The following PCBP3 variants were observed in gnomAD, a reference collection of about 807,000 sequenced individuals.
PCBP3 encodes poly(rC)-binding protein 3.
A neutral mutation model predicts 52.7 loss-of-function variants in PCBP3; 25 were observed. The observed-to-expected ratio is 0.47, with a 90% CI of 0.35 to 0.66. The LOEUF is 0.66. Ranked by LOEUF, PCBP3 falls within the 30% of genes least tolerant of loss-of-function variation. PCBP3 has a pLI of 0.01. For missense variants in PCBP3, 391 were observed against 490.3 expected, an observed-to-expected ratio of 0.80 and a Z score of 1.91; for synonymous variants, 162 against 183.0, an observed-to-expected ratio of 0.89 and a Z score of 0.93.
intron 5 of PCBP3, among the ~76,000 whole-genome samples, chr21:45,856,693 T>C (rs2094311486): frequency 6.7e-6 from 1 of 150,128 alleles, no homozygotes; most frequent in Non-Finnish European, 1.5e-5. Flanking sequence ...CTCTGTAAAA[T>C]ATTTGAAGAG....
At chr21:45,930,752 A>G in intron 14 of PCBP3, 34 bp from the exon 15 acceptor site, 1 of 1,008,474 alleles carries the variant, frequency 9.9e-7, no homozygotes, top group Non-Finnish European at 1.6e-6. Context: ...CCTTGAGGGC[A>G]AAACATTAAA....
At position 45,800,484 on chromosome 21, in the gene PCBP3, C is replaced by T. The variant is rs555570246; in HGVS notation, c.-126+45032C>T. Among the ~76,000 whole-genome samples, 3 of 152,202 alleles carry T rather than the reference C, an allele frequency of 2.0e-5. No individual in the cohort carries two copies. The highest frequency in any genetic ancestry group is 4.4e-5 in the Non-Finnish European group (3 of 68,022). Reference sequence around the variant, plus strand: ...TGGCTCCAAACAGGCGTGTTGTGGGCGTGTCCTGAGGTGTGTGCCTGACCT... The same window carrying T: ...TGGCTCCAAACAGGCGTGTTGTGGGTGTGTCCTGAGGTGTGTGCCTGACCT... On this transcript the variant is annotated intron_variant, in intron 4 of 17. Coordinates refer to ENST00000681687, the MANE Select transcript of PCBP3 (RefSeq NM_001384156.1). This position sits in a 1 kb window ranked among gnomAD's most constrained non-coding sequence, Gnocchi z 5.3.
chr21:45,710,647 A>G (rs900387612), intron 2 of PCBP3, among the ~76,000 whole-genome samples: 2 of 152,022 alleles, frequency 1.3e-5, no homozygotes, highest in African/African-American at 2.4e-5. Context: ...AACCCAAATA[A>G]CTCTTCTTTT....
chr21:45,831,294 G>A (rs11700891), intron 4 of PCBP3: 84,260 of 151,676 alleles, frequency 0.56, 24,102 homozygotes, highest in East Asian at 0.93. Flanking sequence ...CTGTAATCCA[G>A]ACTACCTAGC....
intron 4 of PCBP3, among the ~76,000 whole-genome samples, chr21:45,772,718 C>T (rs1450495809): frequency 6.6e-6 from 1 of 152,174 alleles, no homozygotes; most frequent in Non-Finnish European, 1.5e-5. Context: ...TGCATCCTCA[C>T]CAACACCTGT....
At position 45,824,427 on chromosome 21, in the gene PCBP3, G is replaced by A. The variant is rs149610632; in HGVS notation, c.-125-25534G>A. Among the ~76,000 whole-genome samples, 34 of 152,362 alleles carry A rather than the reference G, an allele frequency of 2.2e-4. No homozygotes were observed. In the East Asian group the frequency reaches 6.4e-3, roughly 28 times the overall value. ...GGTTGGCTTTAGAAGCCACATCCCA[G>A]AATTCCTAAACTTAATCATGGAAGG... On this transcript the variant is annotated intron_variant, in intron 4 of 17. Coordinates refer to ENST00000681687, the MANE Select transcript of PCBP3 (RefSeq NM_001384156.1).
rs979116936 is a variant in PCBP3, at chr21:45,857,575, C to T, written c.10+7480C>T. ...CTAATACACCACCTATAACCCCCCACCTTTGAGCTGTCCTGCCTTTCTGGA... is the reference window on the plus strand; with the variant it reads ...CTAATACACCACCTATAACCCCCCATCTTTGAGCTGTCCTGCCTTTCTGGA... On this transcript the variant is annotated intron_variant, in intron 5 of 17. Transcript: ENST00000681687. Among the ~76,000 whole-genome samples the T allele has an allele frequency of 5.9e-5, 9 of 152,286 alleles. No individual in the cohort carries two copies. In the East Asian group the frequency reaches 9.7e-4, roughly 16 times the overall value.
chr21:45,815,394 A>G (rs2092881395), intron 4 of PCBP3, among the ~76,000 whole-genome samples: 2 of 82,848 alleles, frequency 2.4e-5, no homozygotes, highest in Admixed American at 2.2e-4. Flanking sequence ...GTGAGTGGTG[A>G]GTGGTGAGTG....
At chr21:45,694,875 C>A (rs778398094) in intron 2 of PCBP3, among the ~76,000 whole-genome samples, 1 of 152,164 alleles carries the variant, frequency 6.6e-6, no homozygotes, top group Non-Finnish European at 1.5e-5. Context: ...AATATCAGTT[C>A]TTTCCCAAAC....
intron 4 of PCBP3, among the ~76,000 whole-genome samples, chr21:45,772,531 G>A (rs909098008): frequency 3.9e-5 from 6 of 152,162 alleles, no homozygotes; most frequent in Admixed American, 3.9e-4. Flanking sequence ...ACATAGGAGT[G>A]CAGGTACTAC....
chr21:45,661,211 A>G (rs982428166), intron 1 of PCBP3, among the ~76,000 whole-genome samples: 1 of 152,206 alleles, frequency 6.6e-6, no homozygotes, highest in African/African-American at 2.4e-5. Context: ...ACATGCATAT[A>G]TTGCATGCTG....
chr21:45,784,421 C>CTACCG (rs2090923794), intron 4 of PCBP3, among the ~76,000 whole-genome samples: 4 of 81,894 alleles, frequency 4.9e-5, no homozygotes, highest in East Asian at 2.7e-4. Flanking sequence ...TACCGCTACC[C>CTACCG]CTACCTCCTA....
chr21:45,803,953 G>A (rs2092401452), intron 4 of PCBP3, among the ~76,000 whole-genome samples: 1 of 152,176 alleles, frequency 6.6e-6, no homozygotes, highest in Non-Finnish European at 1.5e-5. Flanking sequence ...GATGAAGGAC[G>A]CCTAGACCTT....
In PCBP3 at chr21:45,797,395, C is replaced by T. The variant is rs1047298870; in HGVS notation, c.-126+41943C>T. Among the ~76,000 whole-genome samples, 12 of 78,546 alleles carry T rather than the reference C, an allele frequency of 1.5e-4. No individual in the cohort carries two copies. In the South Asian group the frequency reaches 1.7e-3, roughly 11 times the overall value. 51.5% of individuals were successfully genotyped at this position (78,546 alleles called of 152,430 possible). ...GAGTGAATGCATGGATAGTTGAGTG[C>T]GTGGATCTGTAGAGAGAGTGAATGC... On this transcript the variant is annotated intron_variant, in intron 4 of 17. Transcript: ENST00000681687.
intron 2 of PCBP3, among the ~76,000 whole-genome samples, chr21:45,680,016 C>T (rs926506927): frequency 2.0e-5 from 3 of 152,228 alleles, no homozygotes; most frequent in Admixed American, 1.3e-4. Context: ...TCTCCAAAAT[C>T]ATTTGGGCAC....
rs537444901 is a variant in PCBP3 at position 45,824,447 on chromosome 21, G to A, written c.-125-25514G>A. 3.3e-5 allele frequency among the ~76,000 whole-genome samples: 5 copies of A among 152,328 alleles called. No individual in the cohort carries two copies. In the East Asian group the frequency reaches 5.8e-4, roughly 18 times the overall value. On this transcript the variant is annotated intron_variant, in intron 4 of 17. Coordinates refer to ENST00000681687, the MANE Select transcript of PCBP3 (RefSeq NM_001384156.1). Reference sequence around the variant, plus strand: ...TCCCAGAATTCCTAAACTTAATCATGGAAGGAGGGGGCAGACTGACAACGC... The same window carrying A: ...TCCCAGAATTCCTAAACTTAATCATAGAAGGAGGGGGCAGACTGACAACGC...
chr21:45,746,260 G>GC (rs2086863312), intron 3 of PCBP3, among the ~76,000 whole-genome samples: 1 of 30,442 alleles, frequency 3.3e-5, no homozygotes, highest in Non-Finnish European at 5.8e-5. Flanking sequence ...TTGACGTAGC[G>GC]CACACGGTGT....
Position 45,917,437 on chromosome 21 carries a change from T to C in PCBP3, c.676-151T>C. On this transcript the variant is annotated intron_variant, in intron 12 of 17. Transcript: ENST00000681687. This position sits in a 1 kb window ranked among gnomAD's most constrained non-coding sequence, Gnocchi z 5.3. ...TGGGGCTCCTGGTGCCCTGGGAGGG[T>C]TGGCCCTTTGTCCTAGGATGGGGAC... is the stretch of plus-strand genomic sequence containing the variant. 1 of 474,148 alleles carries C rather than the reference T, an allele frequency of 2.1e-6. No homozygotes were observed. The highest frequency in any genetic ancestry group is 3.9e-6 in the Non-Finnish European group (1 of 256,612). 29.4% of individuals were successfully genotyped at this position (474,148 alleles called of 1,614,324 possible).
At chr21:45,846,209 G>A (rs1297615521) in intron 4 of PCBP3, among the ~76,000 whole-genome samples, 1 of 152,182 alleles carries the variant, frequency 6.6e-6, no homozygotes, top group Non-Finnish European at 1.5e-5. Context: ...TTGTTAGGGA[G>A]ATATCTAGAA....
Sources: gnomAD v4.1 joint callset for allele counts (sites outside exome capture counted in the v4.1 genomes callset) on GRCh38, gnomAD v4.1.1 for gene constraint, Gnocchi (gnomAD v3.1) non-coding constraint, MANE v1.5 for transcripts, NCBI Gene and HGNC (gene_info 2026-07-23, HGNC 2026-07-21) for gene names.